Variants in MIGA1 observed in about 807,000 individuals in gnomAD.
The protein encoded by MIGA1 is mitoguardin 1, also known as family with sequence similarity 73, member A.
In MIGA1, 58 loss-of-function variants were observed where a neutral mutation model predicts 82.0. That is an observed-to-expected ratio of 0.71 (90% CI 0.57 to 0.88). MIGA1 has a LOEUF of 0.88. Ranked by LOEUF, MIGA1 falls within the 40% of genes least tolerant of loss-of-function variation. The pLI, the probability that MIGA1 is intolerant of heterozygous loss-of-function variation, is 0.00. For synonymous variants in MIGA1, 249 were observed against 253.6 expected (o/e 0.98, Z 0.17); for missense variants, 751 against 749.1 (o/e 1.00, Z -0.03).
At chr1:77,863,673 GGA>G (rs1685555480) in intron 12 of MIGA1, among the ~76,000 whole-genome samples, 2 of 152,138 alleles carry the variant, frequency 1.3e-5, no homozygotes, top group South Asian at 4.1e-4. Context: ...ATAGAGAGGA[GGA>G]GAGATTATTT....
intron 7 of MIGA1, among the ~76,000 whole-genome samples, chr1:77,820,308 A>G (rs1380389800): frequency 6.6e-6 from 1 of 152,134 alleles, no homozygotes; most frequent in Non-Finnish European, 1.5e-5. Flanking sequence ...AACTTAGTGT[A>G]GTGCTAATGA....
chr1:77,843,351 G>C lies in MIGA1; in HGVS notation c.940G>C (p.Gly314Arg), dbSNP rs775710112. Residue 314 changes from glycine to arginine, a missense_variant, in exon 8 of 16, where the codon GGC (glycine) becomes CGC (arginine). Coordinates refer to ENST00000370791, the MANE Select transcript of MIGA1 (RefSeq NM_198549.4). Reference sequence around the variant, plus strand: ...CATGAAGGGTAATGTGGAAGACTTTGGCCTGCGAGACACCTTGAGCATCGC... The same window carrying C: ...CATGAAGGGTAATGTGGAAGACTTTCGCCTGCGAGACACCTTGAGCATCGC... The C allele has an allele frequency of 6.2e-7, 1 of 1,613,970 alleles. No individual in the cohort carries two copies. The highest frequency in any genetic ancestry group is 1.1e-5 in the South Asian group (1 of 91,066).
chr1:77,835,677 G>A (rs1684397931), intron 7 of MIGA1, among the ~76,000 whole-genome samples: 1 of 152,160 alleles, frequency 6.6e-6, no homozygotes, highest in African/African-American at 2.4e-5. Flanking sequence ...GCCAGGTGTG[G>A]TGGCTCACAG....
chr1:77,815,934 T>C (rs1422953162), intron 7 of MIGA1, among the ~76,000 whole-genome samples: 1 of 151,082 alleles, frequency 6.6e-6, no homozygotes, highest in Non-Finnish European at 1.5e-5. Flanking sequence ...GATGAGGTTT[T>C]TCTTTTTTTC....
At chr1:77,782,303 T>C (rs1234696103) in intron 1 of MIGA1, among the ~76,000 whole-genome samples, 24 of 152,340 alleles carry the variant, frequency 1.6e-4, no homozygotes, top group Admixed American at 1.5e-3. Flanking sequence ...TTAGGCGTTT[T>C]CTTGGCCTGA....
rs1190795642 is a variant in MIGA1 at position 77,779,722 on chromosome 1, G to C, written c.67G>C (p.Gly23Arg). 1 of 1,577,976 alleles carries C rather than the reference G, an allele frequency of 6.3e-7. No individual in the cohort carries two copies. Residue 23 changes from glycine to arginine, a missense_variant, in exon 1 of 16, where the codon GGC becomes CGC. By Grantham distance (125) the Gly-to-Arg change is moderately radical. Transcript: ENST00000370791. ...TGGCGTGGGCAGGCCAGCTGTACCT[G>C]GCCTGGAGCTCCAGGTACAGGGCCA...
chr1:77,847,363 A>G (rs1684881995), intron 8 of MIGA1: 5 of 1,013,236 alleles, frequency 4.9e-6, no homozygotes, highest in South Asian at 3.8e-5. Context: ...CAGGAAAAAA[A>G]GGAGGAAAAC....
chr1:77,862,960 AAG>A (rs1685523505), intron 12 of MIGA1, among the ~76,000 whole-genome samples: 1 of 152,018 alleles, frequency 6.6e-6, no homozygotes, highest in Non-Finnish European at 1.5e-5. Context: ...AAAAAAAAAA[AAG>A]AGTGAGTTTA....
chr1:77,804,684 G>T (rs895005224), intron 4 of MIGA1, among the ~76,000 whole-genome samples: 1 of 148,738 alleles, frequency 6.7e-6, no homozygotes, highest in African/African-American at 2.5e-5. Flanking sequence ...GCAGTGGCGC[G>T]ATGAGCTGGA....
chr1:77,802,191 C>T (rs1055392622), intron 3 of MIGA1, among the ~76,000 whole-genome samples: 5 of 152,286 alleles, frequency 3.3e-5, no homozygotes, highest in Admixed American at 2.0e-4. Context: ...TGTGAGTCAT[C>T]TGTCCAGCAT....
intron 7 of MIGA1, among the ~76,000 whole-genome samples, chr1:77,820,222 G>A (rs1683749274): frequency 6.6e-6 from 1 of 151,118 alleles, no homozygotes; most frequent in African/African-American, 2.4e-5. Flanking sequence ...ACATTTTGTA[G>A]AAAGAAATTG....
Position 77,874,853 on chromosome 1 carries a change from T to G in MIGA1, c.1688T>G (p.Val563Gly). 2 of 1,612,140 alleles carry G rather than the reference T, an allele frequency of 1.2e-6. No homozygotes were observed. Among genetic ancestry groups the G allele is most frequent in the Non-Finnish European group, 1.7e-6 (2 of 1,178,798 alleles). ...TTTATGTTCATTTTCCAGAATCAAG[T>G]TCTTTTATTTCTCAAAGACATTTTT... Residue 563 changes from valine (V) to glycine (G), a missense_variant, in exon 16 of 16, where the codon GTT becomes GGT. Val to Gly is a moderately radical substitution (Grantham distance 109). Coordinates refer to ENST00000370791, the MANE Select transcript of MIGA1 (RefSeq NM_198549.4).
At chr1:77,845,019 A>G (rs1684784453) in intron 8 of MIGA1, among the ~76,000 whole-genome samples, 1 of 152,080 alleles carries the variant, frequency 6.6e-6, no homozygotes, top group Admixed American at 6.6e-5. Context: ...CACATCTATA[A>G]CTGATGTGTG....
chr1:77,847,956 CCCCT>C, intron 8 of MIGA1: 1 of 1,269,144 alleles, frequency 7.9e-7, no homozygotes, highest in Non-Finnish European at 1.1e-6. Context: ...GTCGTAGAGA[CCCCT>C]GAGAATCACC....
At chr1:77,785,371 T>G (rs1353075174) in intron 2 of MIGA1, among the ~76,000 whole-genome samples, 1 of 151,706 alleles carries the variant, frequency 6.6e-6, no homozygotes, top group Middle Eastern at 3.2e-3. Context: ...GAGAGGGAGT[T>G]TGGCTCTTGT....
intron 1 of MIGA1, among the ~76,000 whole-genome samples, chr1:77,781,106 G>T (rs542831926): frequency 6.6e-6 from 1 of 151,598 alleles, no homozygotes; most frequent in Non-Finnish European, 1.5e-5. Flanking sequence ...ATGGGGTTTC[G>T]CTATATTGGC....
intron 8 of MIGA1, chr1:77,847,386 C>T: frequency 8.8e-7 from 1 of 1,140,264 alleles, no homozygotes; most frequent in Admixed American, 1.7e-5. Flanking sequence ...TACTAAATTG[C>T]TTTTGGGGAA....
intron 8 of MIGA1, among the ~76,000 whole-genome samples, chr1:77,857,841 C>T (rs896521388): frequency 2.7e-5 from 4 of 148,408 alleles, no homozygotes; most frequent in Admixed American, 6.9e-5. Context: ...GCCAAAAGCA[C>T]GACTGTCTTT....
At chr1:77,799,598 C>A (rs1021524825) in intron 2 of MIGA1, among the ~76,000 whole-genome samples, 5 of 151,948 alleles carry the variant, frequency 3.3e-5, no homozygotes, top group Non-Finnish European at 7.4e-5. Flanking sequence ...CTTCAGTTTT[C>A]CTTGTTGGAA....
Sources: allele counts gnomAD v4.1 joint callset (sites outside exome capture counted in the v4.1 genomes callset), GRCh38; gene constraint gnomAD v4.1.1; transcripts MANE v1.5; gene names NCBI Gene and HGNC (gene_info 2026-07-23, HGNC 2026-07-21).